The following BFAR variants were observed in gnomAD, a reference collection of about 807,000 sequenced individuals.
BFAR encodes bifunctional apoptosis regulator.
A neutral mutation model predicts 54.4 loss-of-function variants in BFAR; 52 were observed. The observed-to-expected ratio is 0.96, with a 90% confidence interval of 0.77 to 1.21. The LOEUF (loss-of-function observed/expected upper bound fraction) is 1.21, where lower values mean the gene tolerates loss of function less well. Among genes scored for constraint, BFAR ranks in the 50% most tolerant of loss-of-function variants. The probability of loss-of-function intolerance (pLI) is 0.00; values close to 1 mark genes in which losing one functional copy is unlikely to be tolerated. For missense variants in BFAR, 571 were observed against 534.0 expected (o/e 1.07, Z -0.68); for synonymous variants, 215 against 204.3 (o/e 1.05, Z -0.45).
At chr16:14,634,975 G>C (rs550208482) in intron 1 of BFAR, among the ~76,000 whole-genome samples, 32 of 152,318 alleles carry the variant, frequency 2.1e-4, no homozygotes, top group African/African-American at 7.7e-4. Context: ...TTTCCAGTTG[G>C]ATACTTTTGA....
At chr16:14,666,129 C>G (rs1358786232) in intron 7 of BFAR, among the ~76,000 whole-genome samples, 1 of 152,184 alleles carries the variant, frequency 6.6e-6, no homozygotes, top group Non-Finnish European at 1.5e-5. Context: ...CACTTCCTTC[C>G]CTGTGGCACT....
At chr16:14,657,535 A>G (rs917693779) in intron 5 of BFAR, among the ~76,000 whole-genome samples, 3 of 150,942 alleles carry the variant, frequency 2.0e-5, no homozygotes, top group African/African-American at 7.3e-5. Context: ...GGTGTGAGCC[A>G]CCGCGCCTGA....
intron 4 of BFAR, among the ~76,000 whole-genome samples, chr16:14,651,880 A>ATT (rs35251866): frequency 0.019 from 2,081 of 111,128 alleles, 29 homozygotes; most frequent in Non-Finnish European, 0.031. Context: ...GACATGCCCA[A>ATT]TTTTTTTTTT....
intron 5 of BFAR, 112 bp from the exon 6 acceptor site, chr16:14,661,780 T>C (rs1371640773): frequency 3.3e-5 from 37 of 1,136,680 alleles, no homozygotes; most frequent in Non-Finnish European, 4.6e-5. Context: ...ATTCATGCAT[T>C]GTGTGTACCA....
intron 1 of BFAR, among the ~76,000 whole-genome samples, chr16:14,639,602 C>T (rs528505199): frequency 2.2e-4 from 34 of 152,282 alleles, no homozygotes; most frequent in African/African-American, 8.2e-4. Flanking sequence ...GGATTACAGG[C>T]GTGAGCCACC....
intron 7 of BFAR, 32 bp from the exon 8 acceptor site, chr16:14,667,603 C>T: frequency 1.9e-6 from 3 of 1,596,090 alleles, no homozygotes; most frequent in Non-Finnish European, 2.6e-6. Context: ...TGAGAAGCGC[C>T]TCCGATTCAG....
At chr16:14,658,630 G>A (rs1792116930) in intron 5 of BFAR, among the ~76,000 whole-genome samples, 1 of 151,910 alleles carries the variant, frequency 6.6e-6, no homozygotes, top group African/African-American at 2.4e-5. Flanking sequence ...CTACTGGGGA[G>A]GCTGAGGCAG....
chr16:14,633,930 G>A (rs1487630001), intron 1 of BFAR, among the ~76,000 whole-genome samples: 1 of 152,224 alleles, frequency 6.6e-6, no homozygotes, highest in Non-Finnish European at 1.5e-5. Context: ...GGAGATTACA[G>A]GCGTGAGCCA....
At chr16:14,639,804 A>G (rs1219731140) in intron 1 of BFAR, among the ~76,000 whole-genome samples, 2 of 152,312 alleles carry the variant, frequency 1.3e-5, no homozygotes, top group East Asian at 3.9e-4. Context: ...AGATTATGAT[A>G]TTGGTTTCCT....
rs143572816 is a variant in BFAR at position 14,646,431 on chromosome 16, G to A, written c.263+1822G>A. On this transcript the variant is annotated intron_variant, in intron 2 of 7. Coordinates refer to ENST00000261658, the MANE Select transcript of BFAR (RefSeq NM_016561.3). Reference sequence around the variant, plus strand: ...TCGAACTCCTGACCTTTAGTGATCCGCCCGTCTTGGCCTCCCAAAGTGCTG... The same window carrying A: ...TCGAACTCCTGACCTTTAGTGATCCACCCGTCTTGGCCTCCCAAAGTGCTG... 9.3e-3 allele frequency among the ~76,000 whole-genome samples: 1,418 copies of A among 152,032 alleles called. 22 individuals carry two copies. The highest frequency in any genetic ancestry group is 0.032 in the African/African-American group (1,323 of 41,488).
chr16:14,658,732 GA>G (rs879331414), intron 5 of BFAR, among the ~76,000 whole-genome samples: 69 of 134,760 alleles, frequency 5.1e-4, no homozygotes, highest in Non-Finnish European at 5.9e-4. Flanking sequence ...GACTCCATCT[GA>G]AAAAAAAAAA....
intron 6 of BFAR, 72 bp from the exon 7 acceptor site, chr16:14,664,797 G>T (rs1960391718): frequency 6.8e-7 from 1 of 1,460,050 alleles, no homozygotes; most frequent in South Asian, 1.2e-5. Flanking sequence ...ACCGTGCCTA[G>T]CCTGATCATC....
At position 14,668,853 on chromosome 16, in the gene BFAR, C is replaced by A; in HGVS notation, c.*1026C>A. On this transcript the variant is annotated 3_prime_UTR_variant, in exon 8 of 8. Coordinates refer to ENST00000261658, the MANE Select transcript of BFAR (RefSeq NM_016561.3). ...TCTGTCTTAAAAAAAAAAAAAAAAT[C>A]ATCTGTAAAATAAATTCCGGGATAG... is the stretch of plus-strand genomic sequence containing the variant. The A allele has an allele frequency of 5.8e-6, 1 of 170,962 alleles. No homozygotes were observed. Among genetic ancestry groups the A allele is most frequent in the Non-Finnish European group, 1.3e-5 (1 of 78,898 alleles). The allele number at this position is 170,962 out of a possible 1,614,324, so 10.6% of individuals were successfully genotyped here. A position where few individuals can be genotyped will look rare whatever the true frequency, so the allele number is the denominator to read the frequency against.
chr16:14,649,321 C>CCGCCT (rs1959898426), intron 3 of BFAR, among the ~76,000 whole-genome samples: 1 of 152,118 alleles, frequency 6.6e-6, no homozygotes, highest in Admixed American at 6.6e-5. Context: ...AGTGATCCAC[C>CCGCCT]CGCCTCAGAC....
intron 1 of BFAR, among the ~76,000 whole-genome samples, chr16:14,641,628 G>A (rs550241906): frequency 6.6e-6 from 1 of 151,596 alleles, no homozygotes; most frequent in South Asian, 2.1e-4. Flanking sequence ...TTGGGAGGCT[G>A]ACGCAGGCAG....
At chr16:14,652,961 A>G (rs1423205759) in intron 4 of BFAR, among the ~76,000 whole-genome samples, 1 of 152,040 alleles carries the variant, frequency 6.6e-6, no homozygotes, top group East Asian at 1.9e-4. Context: ...CTCTCCACTC[A>G]GTTTTCAGCA....
intron 7 of BFAR, 27 bp from the exon 8 acceptor site, chr16:14,667,608 A>G (rs756141816): frequency 3.8e-5 from 61 of 1,601,866 alleles, no homozygotes; most frequent in Non-Finnish European, 5.0e-5. Flanking sequence ...AGCGCCTCCG[A>G]TTCAGCCTCT....
chr16:14,656,769 C>T (rs905392672), intron 5 of BFAR, among the ~76,000 whole-genome samples: 7 of 152,136 alleles, frequency 4.6e-5, no homozygotes, highest in Admixed American at 1.3e-4. Flanking sequence ...CCCATGTAGG[C>T]AGCCACCGGA....
intron 4 of BFAR, chr16:14,650,625 A>G (rs890312152): frequency 6.6e-6 from 1 of 152,180 alleles, no homozygotes; most frequent in Non-Finnish European, 1.5e-5. Flanking sequence ...TTCACTTAGC[A>G]TAATCTTTTT....
Sources: gnomAD v4.1 joint callset for allele counts (sites outside exome capture counted in the v4.1 genomes callset) on GRCh38, gnomAD v4.1.1 for gene constraint, MANE v1.5 for transcripts, NCBI Gene and HGNC (gene_info 2026-07-23, HGNC 2026-07-21) for gene names.